Variants in CADPS observed in about 807,000 individuals in gnomAD.
The protein encoded by CADPS is calcium-dependent secretion activator 1.
In CADPS, 57 loss-of-function variants were observed where a neutral mutation model predicts 167.3. That is an observed-to-expected ratio of 0.34 (90% CI 0.28 to 0.42). The LOEUF is 0.42. Ranked by LOEUF, CADPS falls within the 20% of genes least tolerant of loss-of-function variation. The probability of loss-of-function intolerance (pLI) is 1.00; values close to 1 mark genes in which losing one functional copy is unlikely to be tolerated. For missense variants in CADPS, 1,414 were observed against 1,738.1 expected (o/e 0.81, Z 3.32); for synonymous variants, 676 against 635.3 (o/e 1.06, Z -0.96).
intron 3 of CADPS, among the ~76,000 whole-genome samples, chr3:62,671,935 T>A (rs544543836): frequency 7.9e-4 from 120 of 152,138 alleles, no homozygotes; most frequent in South Asian, 7.7e-3. Flanking sequence ...ACTAATTTTT[T>A]AATTTATTTT....
At chr3:62,598,288 T>A (rs2059207946) in intron 6 of CADPS, among the ~76,000 whole-genome samples, 1 of 152,150 alleles carries the variant, frequency 6.6e-6, no homozygotes, top group Non-Finnish European at 1.5e-5. Context: ...GACTGAGAAG[T>A]GGATGTTGGC....
intron 3 of CADPS, among the ~76,000 whole-genome samples, chr3:62,697,401 C>T (rs1241992385): frequency 6.6e-6 from 1 of 151,980 alleles, no homozygotes; most frequent in Non-Finnish European, 1.5e-5. Context: ...GTAACTTAGT[C>T]TCCAGTTCCA....
At chr3:62,616,843 TATTATGCCCCAA>T (rs1343660104) in intron 6 of CADPS, among the ~76,000 whole-genome samples, 1 of 152,196 alleles carries the variant, frequency 6.6e-6, no homozygotes, top group Non-Finnish European at 1.5e-5. Flanking sequence ...TATATATTGT[TATTATGCCCCAA>T]ATGTTAAAAG....
At chr3:62,592,074 T>C (rs1029755981) in intron 7 of CADPS, among the ~76,000 whole-genome samples, 1 of 152,134 alleles carries the variant, frequency 6.6e-6, no homozygotes, top group South Asian at 2.1e-4. Context: ...GTAAATCGGT[T>C]TACTGATCCT....
chr3:62,613,261 G>C (rs1390922096), intron 6 of CADPS, among the ~76,000 whole-genome samples: 5 of 152,176 alleles, frequency 3.3e-5, no homozygotes, highest in Non-Finnish European at 7.4e-5. Flanking sequence ...CTGGAGCCCA[G>C]CATCCTAAAA....
intron 21 of CADPS, among the ~76,000 whole-genome samples, chr3:62,482,599 C>T (rs1291485545): frequency 6.6e-6 from 1 of 152,156 alleles, no homozygotes; most frequent in Non-Finnish European, 1.5e-5. Context: ...GAAACAGACA[C>T]CAAGGAAATG....
intron 27 of CADPS, among the ~76,000 whole-genome samples, chr3:62,441,378 G>GC (rs1415861051): frequency 3.9e-5 from 6 of 152,182 alleles, no homozygotes; most frequent in Non-Finnish European, 7.3e-5. Context: ...ATCTGAACTT[G>GC]CCCCTACCGG....
intron 1 of CADPS, among the ~76,000 whole-genome samples, chr3:62,816,422 G>T (rs2094615886): frequency 6.6e-6 from 1 of 151,964 alleles, no homozygotes; most frequent in African/African-American, 2.4e-5. Context: ...AGTAACTTGT[G>T]TTAAAACAAC....
intron 18 of CADPS, among the ~76,000 whole-genome samples, chr3:62,496,001 T>C (rs2064698561): frequency 6.6e-6 from 1 of 152,104 alleles, no homozygotes; most frequent in Non-Finnish European, 1.5e-5. Flanking sequence ...ATTTGAGTGG[T>C]ACCACCAAAC....
intron 13 of CADPS, among the ~76,000 whole-genome samples, chr3:62,524,928 A>C (rs868553085): frequency 1.3e-5 from 2 of 152,208 alleles, no homozygotes; most frequent in Non-Finnish European, 2.9e-5. Context: ...TTTCTAGACA[A>C]ATACAGACAA....
Position 62,847,431 on chromosome 3 carries a change from C to A in CADPS, c.441+27158G>T, listed in dbSNP as rs1486414013. On this transcript the variant is annotated intron_variant, in intron 1 of 29. Transcript: ENST00000383710. ...CTCCCAATGCTATCCCTCCCCCCTC[C>A]CCCCACCCCACCACAGTCCCCAGAG... 6.3e-5 allele frequency among the ~76,000 whole-genome samples: 6 copies of A among 94,542 alleles called. No individual in the cohort carries two copies. The South Asian group carries it at 1.5e-3, about 23-fold the overall frequency. 62.0% of individuals were successfully genotyped at this position (94,542 alleles called of 152,430 possible).
intron 3 of CADPS, among the ~76,000 whole-genome samples, chr3:62,748,246 T>C (rs2152374101): frequency 7.0e-6 from 1 of 142,582 alleles, no homozygotes; most frequent in East Asian, 2.1e-4. Flanking sequence ...CTCAGGAGGC[T>C]GAGGCAGGAG....
chr3:62,811,860 G>T (rs1288794396), intron 1 of CADPS, among the ~76,000 whole-genome samples: 2 of 152,158 alleles, frequency 1.3e-5, no homozygotes, highest in African/African-American at 2.4e-5. Context: ...CATTATGTGG[G>T]AGTATGAATT....
intron 6 of CADPS, among the ~76,000 whole-genome samples, chr3:62,609,043 G>C (rs2061117185): frequency 6.6e-6 from 1 of 152,128 alleles, no homozygotes. Flanking sequence ...AACCAAGACT[G>C]TCTGAAATAC....
chr3:62,772,689 G>A (rs1400028549), intron 1 of CADPS, among the ~76,000 whole-genome samples: 1 of 152,118 alleles, frequency 6.6e-6, no homozygotes, highest in Non-Finnish European at 1.5e-5. Context: ...CATTCCTAAT[G>A]GATACACTTG....
At chr3:62,454,480 G>A (rs1415234650) in intron 26 of CADPS, among the ~76,000 whole-genome samples, 5 of 152,106 alleles carry the variant, frequency 3.3e-5, no homozygotes, top group Admixed American at 6.5e-5. Context: ...GAACCCTAAT[G>A]GGTGGGCCTG....
chr3:62,839,574 A>C (rs1038798628), intron 1 of CADPS, among the ~76,000 whole-genome samples: 1 of 152,166 alleles, frequency 6.6e-6, no homozygotes, highest in African/African-American at 2.4e-5. Context: ...CTAGACCACG[A>C]AGGGCCTGAA....
intron 9 of CADPS, among the ~76,000 whole-genome samples, chr3:62,559,406 A>G (rs1174816890): frequency 6.6e-6 from 1 of 152,140 alleles, no homozygotes; most frequent in Non-Finnish European, 1.5e-5. Flanking sequence ...AGGCCTTTCC[A>G]ACTTGTTATT....
rs185027317 is a variant in CADPS at position 62,845,553 on chromosome 3, A to G, written c.441+29036T>C. On this transcript the variant is annotated intron_variant, in intron 1 of 29. Coordinates refer to ENST00000383710, the MANE Select transcript of CADPS (RefSeq NM_003716.4). ...GTGCAGTTGTGAAGAAAGAGCCTTT[A>G]TCATAATTATAGAGGGGATTTGGAG... Among the ~76,000 whole-genome samples, 3 of 152,324 alleles carry G rather than the reference A, an allele frequency of 2.0e-5. No individual in the cohort carries two copies. The East Asian group carries it at 5.8e-4, about 29-fold the overall frequency.
Sources: allele counts gnomAD v4.1 joint callset (sites outside exome capture counted in the v4.1 genomes callset), GRCh38; gene constraint gnomAD v4.1.1; transcripts MANE v1.5; gene names NCBI Gene and HGNC (gene_info 2026-07-23, HGNC 2026-07-21).